Variants in PTPRD observed in about 807,000 individuals in gnomAD.
PTPRD encodes the protein receptor-type tyrosine-protein phosphatase delta.
A neutral mutation model predicts 214.5 loss-of-function variants in PTPRD; 34 were observed. The observed-to-expected ratio is 0.16, with a 90% confidence interval of 0.12 to 0.21. The LOEUF (loss-of-function observed/expected upper bound fraction) is 0.21. Among genes scored for constraint, PTPRD ranks in the 10% least tolerant of loss-of-function variants. The pLI is 1.00. For synonymous variants in PTPRD, 1,128 were observed against 845.7 expected (o/e 1.33, Z -5.79); for missense variants, 2,545 against 2,398.7 (o/e 1.06, Z -1.27).
intron 11 of PTPRD, among the ~76,000 whole-genome samples, chr9:8,940,669 G>A (rs1766111042): frequency 6.6e-6 from 1 of 151,804 alleles, no homozygotes; most frequent in Non-Finnish European, 1.5e-5. Context: ...TCCCACCTGG[G>A]AACTTTCTAA....
rs572195652 is a variant in PTPRD, at chr9:8,930,533, C to G, written c.-104+88164G>C. On this transcript the variant is annotated intron_variant, in intron 11 of 45. Transcript: ENST00000381196. Reference sequence around the variant, plus strand: ...CTAGTTCTAGATCCCGGAGGAATCGCCACACTGTCTTCCACAATGGTTGAA... The same window carrying G: ...CTAGTTCTAGATCCCGGAGGAATCGGCACACTGTCTTCCACAATGGTTGAA... Among the ~76,000 whole-genome samples, 25 of 152,214 alleles carry G rather than the reference C, an allele frequency of 1.6e-4. No individual in the cohort carries two copies. The South Asian group carries it at 5.2e-3, about 32-fold the overall frequency.
intron 5 of PTPRD, among the ~76,000 whole-genome samples, chr9:9,819,263 G>C (rs560144950): frequency 6.6e-6 from 1 of 152,006 alleles, no homozygotes; most frequent in Admixed American, 6.6e-5. Context: ...GAAATTACAG[G>C]TCTCTATAAC....
chr9:9,296,606 G>A (rs574060355), intron 9 of PTPRD, among the ~76,000 whole-genome samples: 1 of 151,772 alleles, frequency 6.6e-6, no homozygotes, highest in East Asian at 2.0e-4. Flanking sequence ...GTTTCAGATT[G>A]ATGTTATAGA....
intron 8 of PTPRD, among the ~76,000 whole-genome samples, chr9:9,561,291 C>T (rs1032893527): frequency 6.6e-6 from 1 of 152,126 alleles, no homozygotes; most frequent in Admixed American, 6.5e-5. Flanking sequence ...CCATGGATAC[C>T]TTGCATGTAT....
At chr9:8,500,672 A>G (rs959092317) in intron 24 of PTPRD, 82 bp downstream of exon 24, 25 of 1,409,706 alleles carry the variant, frequency 1.8e-5, no homozygotes, top group Admixed American at 1.2e-4. Flanking sequence ...GCAGAGAAAA[A>G]AGATTACTGT....
intron 12 of PTPRD, among the ~76,000 whole-genome samples, chr9:8,655,217 G>A (rs2096885917): frequency 6.6e-6 from 1 of 152,110 alleles, no homozygotes; most frequent in South Asian, 2.1e-4. Context: ...TATGTAAGCA[G>A]GTTTCACATG....
intron 2 of PTPRD, among the ~76,000 whole-genome samples, chr9:10,539,603 T>A (rs59245244): frequency 0.094 from 14,373 of 152,206 alleles, 836 homozygotes; most frequent in African/African-American, 0.15. Flanking sequence ...GATAAGAAAG[T>A]CTATGAGCTC....
At chr9:10,482,165 A>T (rs911837215) in intron 2 of PTPRD, among the ~76,000 whole-genome samples, 2 of 152,046 alleles carry the variant, frequency 1.3e-5, no homozygotes, top group South Asian at 2.1e-4. Context: ...AGGTCAGGAG[A>T]TTGAGACCAG....
At chr9:9,166,022 T>G (rs754821368) in intron 10 of PTPRD, among the ~76,000 whole-genome samples, 2 of 152,130 alleles carry the variant, frequency 1.3e-5, no homozygotes, top group East Asian at 3.9e-4. Flanking sequence ...TCAGGTACAA[T>G]TGTCTGTCCC....
chr9:9,716,149 C>A (rs2097824409), intron 7 of PTPRD, among the ~76,000 whole-genome samples: 1 of 152,108 alleles, frequency 6.6e-6, no homozygotes, highest in South Asian at 2.1e-4. Flanking sequence ...TGATTATTTC[C>A]AATTTCCTCC....
chr9:10,030,982 G>C (rs2097054781), intron 4 of PTPRD, among the ~76,000 whole-genome samples: 1 of 152,140 alleles, frequency 6.6e-6, no homozygotes, highest in Admixed American at 6.5e-5. Context: ...TTTGTGAAGT[G>C]AATGACTACT....
chr9:9,893,948 G>C (rs1407686289), intron 5 of PTPRD, among the ~76,000 whole-genome samples: 1 of 151,938 alleles, frequency 6.6e-6, no homozygotes, highest in African/African-American at 2.4e-5. Flanking sequence ...GAGTAGCTAA[G>C]ACCACAAGTG....
intron 3 of PTPRD, among the ~76,000 whole-genome samples, chr9:10,167,805 T>G (rs1048688333): frequency 6.6e-6 from 1 of 152,162 alleles, no homozygotes; most frequent in Non-Finnish European, 1.5e-5. Flanking sequence ...TCTCCCAATA[T>G]AGCTGTAAGA....
intron 3 of PTPRD, among the ~76,000 whole-genome samples, chr9:10,297,943 C>G (rs939107477): frequency 6.6e-6 from 1 of 152,028 alleles, no homozygotes; most frequent in African/African-American, 2.4e-5. Flanking sequence ...TTTCCTATGG[C>G]ATTTCTAAAG....
intron 3 of PTPRD, among the ~76,000 whole-genome samples, chr9:10,229,386 T>C (rs1020869183): frequency 1.3e-5 from 2 of 152,018 alleles, no homozygotes; most frequent in African/African-American, 4.8e-5. Context: ...CATGCTGCTA[T>C]AAAGACACAT....
chr9:10,373,460 T>C (rs895553709), intron 2 of PTPRD, among the ~76,000 whole-genome samples: 2 of 152,120 alleles, frequency 1.3e-5, no homozygotes, highest in African/African-American at 4.8e-5. Context: ...CTCACTTATA[T>C]ATTTACTCAT....
chr9:9,356,420 G>T (rs1391777924), intron 9 of PTPRD, among the ~76,000 whole-genome samples: 1 of 151,274 alleles, frequency 6.6e-6, no homozygotes, highest in African/African-American at 2.4e-5. Flanking sequence ...ACCCATCACA[G>T]TCTATTGTAT....
At chr9:9,113,999 T>C (rs1435053699) in intron 10 of PTPRD, among the ~76,000 whole-genome samples, 2 of 152,168 alleles carry the variant, frequency 1.3e-5, no homozygotes, top group East Asian at 3.9e-4. Flanking sequence ...CCAGGTTTAC[T>C]CTATATTTGA....
intron 10 of PTPRD, among the ~76,000 whole-genome samples, chr9:9,160,670 C>A (rs1240948830): frequency 2.0e-5 from 3 of 152,046 alleles, no homozygotes; most frequent in African/African-American, 7.2e-5. Flanking sequence ...TTCAGCAAAC[C>A]CACTTCTGGA....
Sources: allele counts gnomAD v4.1 joint callset (sites outside exome capture counted in the v4.1 genomes callset), GRCh38; gene constraint gnomAD v4.1.1; transcripts MANE v1.5; gene names NCBI Gene and HGNC (gene_info 2026-07-23, HGNC 2026-07-21).